The following RBFOX3 variants were observed in gnomAD, a reference collection of about 807,000 sequenced individuals.
The protein encoded by RBFOX3 is RNA binding protein fox-1 homolog 3.
A neutral mutation model predicts 48.7 loss-of-function variants in RBFOX3; 17 were observed. That is an observed-to-expected ratio of 0.35 (90% confidence interval 0.24 to 0.52). RBFOX3 has a LOEUF of 0.52. RBFOX3 is among the 20% of genes least tolerant of loss of function. RBFOX3 has a pLI of 0.94. For synonymous variants in RBFOX3, 212 were observed against 209.5 expected (o/e 1.01, Z -0.10); for missense variants, 382 against 497.5 (o/e 0.77, Z 2.21).
At chr17:79,297,005 T>G (rs747339652) in intron 3 of RBFOX3, among the ~76,000 whole-genome samples, 1 of 147,236 alleles carries the variant, frequency 6.8e-6, no homozygotes, top group Non-Finnish European at 1.5e-5. Flanking sequence ...CCCTCTTCTT[T>G]CTCCTCCTGC....
chr17:79,206,431 G>A (rs749525141), intron 4 of RBFOX3, among the ~76,000 whole-genome samples: 7 of 152,102 alleles, frequency 4.6e-5, no homozygotes, highest in African/African-American at 7.2e-5. Flanking sequence ...AGGAGTCTCC[G>A]GCAAGTCTCA....
chr17:79,522,391 T>A (rs2086227127), intron 1 of RBFOX3, among the ~76,000 whole-genome samples: 6 of 152,086 alleles, frequency 3.9e-5, no homozygotes. Context: ...AAACTTCACG[T>A]CCAGACACAA....
intron 2 of RBFOX3, among the ~76,000 whole-genome samples, chr17:79,375,759 C>T (rs964816911): frequency 3.3e-5 from 5 of 152,162 alleles, no homozygotes; most frequent in African/African-American, 1.2e-4. Context: ...TGAAAGGGGC[C>T]GCTGAGCCCA....
chr17:79,557,226 A>T (rs2091835967), intron 1 of RBFOX3, among the ~76,000 whole-genome samples: 3 of 16,316 alleles, frequency 1.8e-4, no homozygotes, highest in Admixed American at 8.5e-4. Context: ...ACACTGTCTC[A>T]AAAAAAAAAA....
intron 1 of RBFOX3, among the ~76,000 whole-genome samples, chr17:79,507,001 C>G (rs1259118302): frequency 6.6e-6 from 1 of 152,168 alleles, no homozygotes; most frequent in African/African-American, 2.4e-5. Context: ...CCTGAGAAAT[C>G]GGGATCCACC....
At position 79,345,272 on chromosome 17, in the gene RBFOX3, C is replaced by T. The variant is rs530668010; in HGVS notation, c.-174-37448G>A. 3.9e-5 allele frequency among the ~76,000 whole-genome samples: 6 copies of T among 152,282 alleles called. No individual in the cohort carries two copies. In the East Asian group the frequency reaches 1.2e-3, roughly 29 times the overall value. On this transcript the variant is annotated intron_variant, in intron 2 of 14. Coordinates refer to ENST00000693108, the MANE Select transcript of RBFOX3 (RefSeq NM_001350451.2). Reference sequence around the variant, plus strand: ...CGTGCATAGAGTTGCCTGTAGTATTCCCTTATTATCCTTCTAATGGCTGCA... The same window carrying T: ...CGTGCATAGAGTTGCCTGTAGTATTTCCTTATTATCCTTCTAATGGCTGCA...
chr17:79,109,405 C>T lies in RBFOX3; in HGVS notation c.223-2617G>A, dbSNP rs182929153. 1.7e-3 allele frequency among the ~76,000 whole-genome samples: 253 copies of T among 152,312 alleles called. 1 individual carries two copies. Among genetic ancestry groups the T allele is most frequent in the African/African-American group, 5.5e-3 (230 of 41,564 alleles). ...CAATGCAGGGCAGCTGACTCTGGCT[C>T]GACAGGGGTATGCGGGAGGCTCCTC... On this transcript the variant is annotated intron_variant, in intron 5 of 14. Coordinates refer to ENST00000693108, the MANE Select transcript of RBFOX3 (RefSeq NM_001350451.2).
the RBFOX3 span, among the ~76,000 whole-genome samples, chr17:79,643,129 C>T: frequency 2.6e-5 from 4 of 152,074 alleles, no homozygotes; most frequent in Non-Finnish European, 4.4e-5. Context: ...AAAAATGATA[C>T]CATGCTAACA....
At chr17:79,643,065 C>G in the RBFOX3 span, among the ~76,000 whole-genome samples, 1 of 152,018 alleles carries the variant, frequency 6.6e-6, no homozygotes, top group African/African-American at 2.4e-5. Flanking sequence ...TCACACCACT[C>G]CACTCTGGCC....
intron 1 of RBFOX3, chr17:79,599,221 G>GCA (rs1370022391): frequency 6.6e-6 from 1 of 152,212 alleles, no homozygotes; most frequent in African/African-American, 2.4e-5. Flanking sequence ...ATGCTGGCCA[G>GCA]CACGCATGTG....
At chr17:79,192,451 A>G (rs1304978128) in intron 4 of RBFOX3, among the ~76,000 whole-genome samples, 1 of 152,236 alleles carries the variant, frequency 6.6e-6, no homozygotes, top group African/African-American at 2.4e-5. Context: ...CGGGAGCAGC[A>G]AAGCTGCAAG....
the RBFOX3 span, among the ~76,000 whole-genome samples, chr17:79,653,257 C>CA: frequency 6.3e-3 from 952 of 152,274 alleles, 12 homozygotes; most frequent in African/African-American, 0.022. Flanking sequence ...GAGAGCCCTG[C>CA]AGCTGCCTTA....
chr17:79,520,499 G>A (rs2085904890), intron 1 of RBFOX3, among the ~76,000 whole-genome samples: 1 of 152,180 alleles, frequency 6.6e-6, no homozygotes, highest in Admixed American at 6.5e-5. Context: ...TAAAACCCCA[G>A]CCCATACTCC....
chr17:79,614,205 C>T (rs2093985537), upstream of RBFOX3, among the ~76,000 whole-genome samples: 1 of 152,210 alleles, frequency 6.6e-6, no homozygotes. Context: ...CTCGGATAGC[C>T]CCTCTGGAGG....
chr17:79,383,844 C>G (rs533681943), intron 2 of RBFOX3, among the ~76,000 whole-genome samples: 1 of 152,298 alleles, frequency 6.6e-6, no homozygotes, highest in African/African-American at 2.4e-5. Flanking sequence ...AGAGGCCTCC[C>G]TGGCCAACAC....
intron 1 of RBFOX3, among the ~76,000 whole-genome samples, chr17:79,514,133 T>C (rs1256344017): frequency 6.6e-6 from 1 of 152,140 alleles, no homozygotes; most frequent in Admixed American, 6.5e-5. Flanking sequence ...GACAGCCTCC[T>C]ACCATCTCCA....
intron 4 of RBFOX3, among the ~76,000 whole-genome samples, chr17:79,120,639 T>C (rs1041684069): frequency 3.1e-5 from 4 of 128,282 alleles, no homozygotes; most frequent in African/African-American, 1.2e-4. Flanking sequence ...GGATGAAAAA[T>C]TGGTGGGTGT....
intron 1 of RBFOX3, among the ~76,000 whole-genome samples, chr17:79,517,094 C>T (rs1164288346): frequency 6.6e-6 from 1 of 152,232 alleles, no homozygotes; most frequent in East Asian, 1.9e-4. Context: ...ACTGGCTGAA[C>T]TGTGCCCTCA....
At chr17:79,659,522 G>A in the RBFOX3 span, among the ~76,000 whole-genome samples, 1 of 151,528 alleles carries the variant, frequency 6.6e-6, no homozygotes, top group East Asian at 2.0e-4. Flanking sequence ...TGGGGAGCGA[G>A]AGTGGGAAGA....
Sources: allele counts gnomAD v4.1 joint callset (sites outside exome capture counted in the v4.1 genomes callset), GRCh38; gene constraint gnomAD v4.1.1; transcripts MANE v1.5; gene names NCBI Gene and HGNC (gene_info 2026-07-23, HGNC 2026-07-21).